Variants in AK7 observed in about 807,000 individuals in gnomAD.
AK7 encodes ATP-AMP transphosphorylase 7.
AK7 carries 78 observed loss-of-function variants against 96.6 expected under a neutral mutation model. That is an observed-to-expected ratio of 0.81 (90% CI 0.67 to 0.97). AK7 has a LOEUF of 0.97. Among genes scored for constraint, AK7 ranks in the 50% least tolerant of loss-of-function variants. The pLI is 0.00. For missense variants in AK7, 855 were observed against 887.9 expected, an observed-to-expected ratio of 0.96 and a Z score of 0.47; for synonymous variants, 302 against 317.2, an observed-to-expected ratio of 0.95 and a Z score of 0.51.
rs3077780 is a variant in AK7 at position 96,434,422 on chromosome 14, G to GTCTCTC, written c.610-3383_610-3378dup. Among the ~76,000 whole-genome samples, 288 of 149,422 alleles carry GTCTCTC rather than the reference G, an allele frequency of 1.9e-3. 1 individual carries two copies. Among genetic ancestry groups the GTCTCTC allele is most frequent in the Middle Eastern group, 7.1e-3 (2 of 282 alleles). ...AAATATACAGTCTCTCTGTCTGTCT[G>GTCTCTC]TCTCTCTCTCTCTCTCTCTCTCTCT... On this transcript the variant is annotated intron_variant, in intron 5 of 17. Coordinates refer to ENST00000267584, the MANE Select transcript of AK7 (RefSeq NM_152327.5).
chr14:96,466,315 C>T (rs1341676392), intron 12 of AK7, among the ~76,000 whole-genome samples: 1 of 152,070 alleles, frequency 6.6e-6, no homozygotes, highest in Non-Finnish European at 1.5e-5. Flanking sequence ...CGGCTCACTG[C>T]AAGCTCCACC....
At chr14:96,471,333 TAAAAAAAAAAA>T (rs35566282) in intron 12 of AK7, 134 bp from the exon 13 acceptor site, 1 of 185,860 alleles carries the variant, frequency 5.4e-6, no homozygotes, top group South Asian at 1.3e-4. Flanking sequence ...CCCGTCTCTT[TAAAAAAAAAAA>T]AAAAAAAAAA....
intron 6 of AK7, among the ~76,000 whole-genome samples, chr14:96,442,411 G>A (rs1893007712): frequency 6.6e-6 from 1 of 152,236 alleles, no homozygotes; most frequent in Admixed American, 6.5e-5. Context: ...AAATACGGCT[G>A]AGAGGTTGTA....
At chr14:96,422,635 C>T (rs577001832) in intron 5 of AK7, among the ~76,000 whole-genome samples, 2 of 152,318 alleles carry the variant, frequency 1.3e-5, no homozygotes, top group Non-Finnish European at 2.9e-5. Context: ...CATTCATAGG[C>T]TCTCTGCAGG....
chr14:96,444,119 C>G (rs546691278), intron 7 of AK7, among the ~76,000 whole-genome samples: 1 of 152,228 alleles, frequency 6.6e-6, no homozygotes, highest in Non-Finnish European at 1.5e-5. Context: ...GTGTGTTGGG[C>G]CACATTCAAA....
At chr14:96,444,018 A>G (rs1007721580) in intron 7 of AK7, among the ~76,000 whole-genome samples, 2 of 151,464 alleles carry the variant, frequency 1.3e-5, no homozygotes, top group Non-Finnish European at 3.0e-5. Context: ...CTCATGATCC[A>G]CCCGCCTCAG....
At chr14:96,423,885 G>A in intron 5 of AK7, 1 of 944,240 alleles carries the variant, frequency 1.1e-6, no homozygotes, top group Admixed American at 1.7e-5. Flanking sequence ...TGCCTTGGGA[G>A]ACCCCGAGCC....
At chr14:96,458,254 A>G (rs1480861336) in intron 12 of AK7, 42 bp downstream of exon 12, 1 of 1,583,230 alleles carries the variant, frequency 6.3e-7, no homozygotes, top group Non-Finnish European at 8.6e-7. Flanking sequence ...TCTTGTGAAC[A>G]GTGGCTATTT....
chr14:96,439,580 T>C (rs1892841745), intron 6 of AK7, among the ~76,000 whole-genome samples: 1 of 148,700 alleles, frequency 6.7e-6, no homozygotes, highest in South Asian at 2.1e-4. Context: ...AGGAGAATGG[T>C]GTGAACCGAG....
intron 14 of AK7, among the ~76,000 whole-genome samples, chr14:96,476,778 G>C (rs1895211623): frequency 1.3e-5 from 2 of 152,114 alleles, no homozygotes; most frequent in Non-Finnish European, 2.9e-5. Flanking sequence ...AAATTGGAAA[G>C]CCAAGGATGT....
chr14:96,422,273 C>T (rs1490027901), intron 5 of AK7, among the ~76,000 whole-genome samples: 1 of 152,112 alleles, frequency 6.6e-6, no homozygotes, highest in African/African-American at 2.4e-5. Flanking sequence ...CTAACAGAGC[C>T]TTAAAACAGA....
intron 14 of AK7, among the ~76,000 whole-genome samples, chr14:96,477,911 C>T (rs935306738): frequency 3.9e-5 from 6 of 152,108 alleles, no homozygotes; most frequent in African/African-American, 1.2e-4. Flanking sequence ...GGCCAGGAGC[C>T]GTGGCTTATC....
At chr14:96,462,894 T>C (rs1199558370) in intron 12 of AK7, among the ~76,000 whole-genome samples, 1 of 152,080 alleles carries the variant, frequency 6.6e-6, no homozygotes, top group African/African-American at 2.4e-5. Context: ...TCCCAGCACT[T>C]TGGGAGGCCA....
At chr14:96,436,120 T>C (rs1766263797) in intron 5 of AK7, among the ~76,000 whole-genome samples, 1 of 152,196 alleles carries the variant, frequency 6.6e-6, no homozygotes, top group African/African-American at 2.4e-5. Flanking sequence ...TGGTAGACTT[T>C]GGTTGAAAAA....
In AK7 at chr14:96,478,590, CG is replaced by C; in HGVS notation, c.1684del (p.Asp562ThrfsTer25). The C allele has an allele frequency of 6.2e-7, 1 of 1,614,152 alleles. No homozygotes were observed. Among genetic ancestry groups the C allele is most frequent in the Non-Finnish European group, 8.5e-7 (1 of 1,180,028 alleles). On this transcript the variant is annotated frameshift_variant, in exon 15 of 18. Coordinates refer to ENST00000267584, the MANE Select transcript of AK7 (RefSeq NM_152327.5). LOFTEE classifies it high-confidence loss of function. ...DRFLRALSNY[R>X]DINIDDETVF... The stretch of plus-strand genomic sequence containing the variant: ...ATTCCTCCGGGCTCTGAGCAACTAC[CG>C]GGACATCAATATCGACGATGAGACT...
intron 4 of AK7, among the ~76,000 whole-genome samples, chr14:96,419,697 A>G (rs1891554725): frequency 6.6e-6 from 1 of 151,906 alleles, no homozygotes; most frequent in African/African-American, 2.4e-5. Flanking sequence ...ACCTGCTACC[A>G]TCTCTGTGAA....
At chr14:96,438,610 G>T (rs1440663817) in intron 6 of AK7, among the ~76,000 whole-genome samples, 1 of 152,214 alleles carries the variant, frequency 6.6e-6, no homozygotes, top group Non-Finnish European at 1.5e-5. Context: ...TGAGGTCAAA[G>T]CGGTAATGAG....
intron 11 of AK7, among the ~76,000 whole-genome samples, chr14:96,457,804 C>T (rs1398897100): frequency 6.6e-6 from 1 of 152,056 alleles, no homozygotes; most frequent in Non-Finnish European, 1.5e-5. Flanking sequence ...AAGATACAAC[C>T]CAATACCTTA....
At chr14:96,410,190 A>G (rs1296672202) in intron 4 of AK7, among the ~76,000 whole-genome samples, 2 of 152,208 alleles carry the variant, frequency 1.3e-5, no homozygotes, top group Non-Finnish European at 2.9e-5. Flanking sequence ...CAGGGACCAC[A>G]GGTTTCATGC....
Sources: gnomAD v4.1 joint callset for allele counts (sites outside exome capture counted in the v4.1 genomes callset) on GRCh38, gnomAD v4.1.1 for gene constraint, MANE v1.5 for transcripts, NCBI Gene and HGNC (gene_info 2026-07-23, HGNC 2026-07-21) for gene names.